CDC14B: variants seen among roughly 807,000 people sequenced by gnomAD.
CDC14B encodes the protein cell division cycle 14B.
CDC14B carries 22 observed loss-of-function variants against 64.2 expected under a neutral mutation model. That is an observed-to-expected ratio of 0.34 (90% CI 0.24 to 0.49). The LOEUF (loss-of-function observed/expected upper bound fraction) is 0.49, where lower values mean the gene tolerates loss of function less well. Ranked by LOEUF, CDC14B falls within the 20% of genes least tolerant of loss-of-function variation. CDC14B has a pLI of 0.99. For missense variants in CDC14B, 498 were observed against 629.9 expected, an observed-to-expected ratio of 0.79 and a Z score of 2.24; for synonymous variants, 191 against 215.8, an observed-to-expected ratio of 0.89 and a Z score of 1.01.
At chr9:96,588,795 C>A (rs907605273) in intron 1 of CDC14B, among the ~76,000 whole-genome samples, 1 of 152,150 alleles carries the variant, frequency 6.6e-6, no homozygotes, top group Non-Finnish European at 1.5e-5. Context: ...TTTTAAAACA[C>A]TACCTTTTCT....
At chr9:96,572,417 T>A (rs1017891160) in intron 1 of CDC14B, among the ~76,000 whole-genome samples, 2 of 152,140 alleles carry the variant, frequency 1.3e-5, no homozygotes, top group Non-Finnish European at 2.9e-5. Context: ...GGTGTCAGAA[T>A]TGAATAGGAG....
intron 3 of CDC14B, among the ~76,000 whole-genome samples, chr9:96,563,050 G>T (rs1337412406): frequency 6.6e-6 from 1 of 152,212 alleles, no homozygotes; most frequent in Non-Finnish European, 1.5e-5. Flanking sequence ...TTCTGAAAGA[G>T]CAAACCAAGA....
At chr9:96,598,371 C>T (rs918431119) in intron 1 of CDC14B, among the ~76,000 whole-genome samples, 1 of 152,124 alleles carries the variant, frequency 6.6e-6, no homozygotes, top group South Asian at 2.1e-4. Flanking sequence ...GAGTCTCGCT[C>T]TGTCACCCAG....
At chr9:96,542,002 C>A in intron 5 of CDC14B, 110 bp from the exon 6 acceptor site, 2 of 610,182 alleles carry the variant, frequency 3.3e-6, no homozygotes, top group South Asian at 4.0e-5. Flanking sequence ...GAACCATTAT[C>A]AAGAAGAAAA....
intron 13 of CDC14B, among the ~76,000 whole-genome samples, chr9:96,504,801 G>A (rs764053285): frequency 2.6e-5 from 4 of 152,140 alleles, no homozygotes; most frequent in African/African-American, 7.2e-5. Flanking sequence ...AAAGCCACCC[G>A]AGAACACTGA....
intron 4 of CDC14B, 26 bp from the exon 5 acceptor site, chr9:96,551,898 G>T (rs201874990): frequency 1.3e-6 from 2 of 1,588,804 alleles, no homozygotes; most frequent in Non-Finnish European, 8.5e-7. Context: ...GAAGAAAAAG[G>T]CAATTTATTT....
intron 1 of CDC14B, among the ~76,000 whole-genome samples, chr9:96,597,658 C>T (rs1337306166): frequency 2.0e-5 from 3 of 151,146 alleles, no homozygotes; most frequent in African/African-American, 7.3e-5. Context: ...GAGTTTATCA[C>T]TAGCAGATCT....
At chr9:96,608,811 T>C (rs1011861240) in intron 1 of CDC14B, among the ~76,000 whole-genome samples, 2 of 151,950 alleles carry the variant, frequency 1.3e-5, no homozygotes, top group African/African-American at 4.8e-5. Context: ...GGGTTTTCGG[T>C]GAATTATTAA....
intron 1 of CDC14B, among the ~76,000 whole-genome samples, chr9:96,589,203 G>T (rs1429263098): frequency 1.3e-5 from 2 of 152,074 alleles, no homozygotes; most frequent in African/African-American, 4.8e-5. Flanking sequence ...GCTGGGCGTG[G>T]TGGCATGCGC....
intron 1 of CDC14B, chr9:96,618,676 CTCGGGCT>C (rs1371200821): frequency 6.0e-6 from 3 of 503,274 alleles, no homozygotes; most frequent in African/African-American, 5.9e-5. Flanking sequence ...AGGAGAGGGG[CTCGGGCT>C]TACGCGCCGG....
intron 1 of CDC14B, among the ~76,000 whole-genome samples, chr9:96,574,216 GTATTGGCACAGTGTAC>G (rs1018684080): frequency 1.1e-4 from 17 of 151,530 alleles, no homozygotes; most frequent in African/African-American, 3.9e-4. Context: ...AATTTAGGCA[GTATTGGCACAGTGTAC>G]TATTGGCACA....
rs56167318 is a variant in CDC14B, at chr9:96,500,506, T to TA, written c.*3246dup. 27,688 of 152,562 alleles carry TA rather than the reference T, an allele frequency of 0.18. 2,655 individuals carry two copies. The highest frequency in any genetic ancestry group is 0.23 in the African/African-American group (9,722 of 41,476). 9.5% of individuals were successfully genotyped at this position (152,562 alleles called of 1,614,324 possible). A position where few individuals can be genotyped will look rare whatever the true frequency, so the allele number is the denominator to read the frequency against. On this transcript the variant is annotated 3_prime_UTR_variant, in exon 14 of 14. Coordinates refer to ENST00000375241, the MANE Select transcript of CDC14B (RefSeq NM_033331.4). ...GGATGAACATGTCTGCTGACAATTCTACCAGGTAATTAAGGAGGTAATTTC... is the reference window on the plus strand; with the variant it reads ...GGATGAACATGTCTGCTGACAATTCTAACCAGGTAATTAAGGAGGTAATTTC...
intron 4 of CDC14B, among the ~76,000 whole-genome samples, chr9:96,560,622 T>G (rs1843026569): frequency 6.7e-6 from 1 of 148,780 alleles, no homozygotes; most frequent in East Asian, 1.9e-4. Context: ...CTCATTCTGT[T>G]GCCCAGGCTG....
At chr9:96,562,091 A>G (rs1260785813) in intron 4 of CDC14B, among the ~76,000 whole-genome samples, 2 of 152,220 alleles carry the variant, frequency 1.3e-5, no homozygotes, top group Non-Finnish European at 2.9e-5. Flanking sequence ...CTGCTATTCC[A>G]AAGTACATTT....
At chr9:96,519,855 G>A (rs750004678) in intron 12 of CDC14B, among the ~76,000 whole-genome samples, 1 of 151,524 alleles carries the variant, frequency 6.6e-6, no homozygotes, top group Non-Finnish European at 1.5e-5. Flanking sequence ...TGCATGTACT[G>A]TATTTTCATA....
At chr9:96,581,000 G>A (rs1331883188) in intron 1 of CDC14B, among the ~76,000 whole-genome samples, 1 of 152,210 alleles carries the variant, frequency 6.6e-6, no homozygotes, top group African/African-American at 2.4e-5. Flanking sequence ...GGGAGGCAGA[G>A]GCGGGTGGAT....
intron 1 of CDC14B, among the ~76,000 whole-genome samples, chr9:96,609,256 C>T (rs1036093403): frequency 6.6e-6 from 1 of 152,144 alleles, no homozygotes; most frequent in Non-Finnish European, 1.5e-5. Flanking sequence ...TGAGCCACTG[C>T]GCCCAGACCA....
At chr9:96,514,341 G>T in intron 12 of CDC14B, 1 of 745,738 alleles carries the variant, frequency 1.3e-6, no homozygotes, top group Non-Finnish European at 1.6e-6. Flanking sequence ...TGATGCTCTT[G>T]AGTCAGAATA....
chr9:96,507,420 ATTTT>A (rs547920065), intron 13 of CDC14B, among the ~76,000 whole-genome samples: 1 of 143,786 alleles, frequency 7.0e-6, no homozygotes, highest in Admixed American at 7.0e-5. Context: ...TTTTTATTTG[ATTTT>A]TTTTTTTTTG....
Sources: gnomAD v4.1 joint callset for allele counts (sites outside exome capture counted in the v4.1 genomes callset) on GRCh38, gnomAD v4.1.1 for gene constraint, MANE v1.5 for transcripts, NCBI Gene and HGNC (gene_info 2026-07-23, HGNC 2026-07-21) for gene names.